Variants in HIVEP3 observed in about 807,000 individuals in gnomAD.
HIVEP3 encodes HIVEP zinc finger 3.
A neutral mutation model predicts 152.8 loss-of-function variants in HIVEP3; 49 were observed. The observed-to-expected ratio is 0.32, with a 90% CI of 0.26 to 0.41. The LOEUF is 0.41. Ranked by LOEUF, HIVEP3 falls within the 10% of genes least tolerant of loss-of-function variation. The pLI, the probability that HIVEP3 is intolerant of heterozygous loss-of-function variation, is 1.00. For missense variants in HIVEP3, 2,790 were observed against 3,103.3 expected (o/e 0.90, Z 2.40); for synonymous variants, 1,269 against 1,289.0 (o/e 0.98, Z 0.33).
rs151222285 is a variant in HIVEP3 at position 41,635,489 on chromosome 1, T to TATATATATAC, written c.-720-6543_-720-6542insGTATATATAT. Reference sequence around the variant, plus strand: ...CAGCAACCACAACTATATATATATATACACACACATATATACATATATAGC... The same window carrying TATATATATAC: ...CAGCAACCACAACTATATATATATATATATATATACACACACACATATATACATATATAGC... On this transcript the variant is annotated intron_variant, in intron 2 of 8. Coordinates refer to ENST00000372583, the MANE Select transcript of HIVEP3 (RefSeq NM_024503.5). 4.8e-4 allele frequency among the ~76,000 whole-genome samples: 71 copies of TATATATATAC among 147,420 alleles called. 1 individual carries two copies. The highest frequency in any genetic ancestry group is 1.4e-3 in the East Asian group (7 of 5,144).
intron 1 of HIVEP3, among the ~76,000 whole-genome samples, chr1:41,757,036 G>C (rs1007993823): frequency 5.3e-5 from 8 of 151,596 alleles, no homozygotes; most frequent in Non-Finnish European, 4.4e-5. Context: ...CGGATCACTT[G>C]AGGCCAGGAG....
rs61470609 is a variant in HIVEP3 at position 41,638,256 on chromosome 1, G to GAGAAAGAAAGAAAGAAAGAAAGAA, written c.-720-9333_-720-9310dup. 1.7e-3 allele frequency among the ~76,000 whole-genome samples: 202 copies of GAGAAAGAAAGAAAGAAAGAAAGAA among 120,834 alleles called. 1 individual carries two copies. Among genetic ancestry groups the GAGAAAGAAAGAAAGAAAGAAAGAA allele is most frequent in the African/African-American group, 3.9e-3 (112 of 28,708 alleles). 79.3% of individuals were successfully genotyped at this position (120,834 alleles called of 152,430 possible). ...AGAGACAGAGAAATAAAGAAAGAGA[G>GAGAAAGAAAGAAAGAAAGAAAGAA]AGAAAGAAAGAAAGAAAGAAAGAAA... On this transcript the variant is annotated intron_variant, in intron 2 of 8. Transcript: ENST00000372583.
At chr1:41,853,454 C>G (rs765145107) in intron 1 of HIVEP3, among the ~76,000 whole-genome samples, 1 of 152,060 alleles carries the variant, frequency 6.6e-6, no homozygotes, top group Admixed American at 6.5e-5. Flanking sequence ...GAGGAACTAC[C>G]AAACAATTAT....
chr1:41,750,761 C>T (rs1441165321), intron 1 of HIVEP3, among the ~76,000 whole-genome samples: 2 of 150,610 alleles, frequency 1.3e-5, no homozygotes, highest in African/African-American at 2.4e-5. Flanking sequence ...TGCAATGGTG[C>T]GATCTCAGCT....
intron 1 of HIVEP3, among the ~76,000 whole-genome samples, chr1:41,737,507 G>A (rs928540993): frequency 6.6e-6 from 1 of 152,136 alleles, no homozygotes; most frequent in Non-Finnish European, 1.5e-5. Flanking sequence ...CCTGTCATTG[G>A]GTTTAGTGTC....
intron 1 of HIVEP3, among the ~76,000 whole-genome samples, chr1:41,813,065 G>T (rs1213658041): frequency 3.3e-5 from 5 of 152,140 alleles, no homozygotes; most frequent in Non-Finnish European, 7.4e-5. Flanking sequence ...TTGAGATGGA[G>T]TCTTGCTCTG....
intron 6 of HIVEP3, among the ~76,000 whole-genome samples, chr1:41,524,458 T>G (rs1642845178): frequency 6.6e-6 from 1 of 150,940 alleles, no homozygotes; most frequent in Non-Finnish European, 1.5e-5. Context: ...TGAGCAAGAG[T>G]GCCGCACCAG....
chr1:41,769,621 G>C (rs2055955), intron 1 of HIVEP3, among the ~76,000 whole-genome samples: 47,804 of 151,798 alleles, frequency 0.31, 8,466 homozygotes, highest in East Asian at 0.46. Flanking sequence ...AAGGAACAAA[G>C]GAAGGAAGTA....
At chr1:41,671,552 C>T (rs1006570020) in intron 2 of HIVEP3, among the ~76,000 whole-genome samples, 1 of 152,272 alleles carries the variant, frequency 6.6e-6, no homozygotes. Flanking sequence ...GCTCCCATCT[C>T]ACACTGACAT....
chr1:41,626,970 G>A (rs1193828848), intron 3 of HIVEP3, among the ~76,000 whole-genome samples: 1 of 152,206 alleles, frequency 6.6e-6, no homozygotes, highest in Non-Finnish European at 1.5e-5. Context: ...GTTTCCTTAT[G>A]TGCACAACAG....
intron 5 of HIVEP3, among the ~76,000 whole-genome samples, chr1:41,528,345 T>A (rs1643086162): frequency 1.1e-5 from 1 of 88,580 alleles, no homozygotes; most frequent in Non-Finnish European, 2.2e-5. Context: ...ACACTCGCCC[T>A]CACACTCCAC....
intron 1 of HIVEP3, among the ~76,000 whole-genome samples, chr1:41,931,703 C>T (rs192346456): frequency 6.6e-6 from 1 of 152,032 alleles, no homozygotes; most frequent in African/African-American, 2.4e-5. Flanking sequence ...AGATTTATAT[C>T]TAAGAATTTG....
intron 1 of HIVEP3, among the ~76,000 whole-genome samples, chr1:42,003,786 CA>C (rs112079993): frequency 0.039 from 3,998 of 103,780 alleles, 104 homozygotes; most frequent in African/African-American, 0.1. Context: ...CTTTTTAGGG[CA>C]AAAAAAAAAA....
In HIVEP3 at chr1:41,584,563, TCTG is replaced by T; in HGVS notation, c.232_234del (p.Gln78del). 1 of 1,614,096 alleles carries T rather than the reference TCTG, an allele frequency of 6.2e-7. No individual in the cohort carries two copies. The highest frequency in any genetic ancestry group is 8.5e-7 in the Non-Finnish European group (1 of 1,180,002). On this transcript the variant is annotated inframe_deletion, in exon 4 of 9. Coordinates refer to ENST00000372583, the MANE Select transcript of HIVEP3 (RefSeq NM_024503.5). This position sits in a 1 kb window ranked among gnomAD's most constrained non-coding sequence, Gnocchi z 5.2. Reference sequence around the variant, plus strand: ...TCGATGGGGGGCCTTTTGGGGGGCTTCTGCTGCTGGCCCGTTTTCTCCTGAGAG... The same window carrying T: ...TCGATGGGGGGCCTTTTGGGGGGCTTCTGCTGGCCCGTTTTCTCCTGAGAG...
intron 1 of HIVEP3, among the ~76,000 whole-genome samples, chr1:41,954,536 C>G (rs868817360): frequency 6.6e-6 from 1 of 152,280 alleles, no homozygotes; most frequent in African/African-American, 2.4e-5. Flanking sequence ...CTGGCTCCAA[C>G]CTGGCAGCTG....
intron 1 of HIVEP3, among the ~76,000 whole-genome samples, chr1:42,000,650 C>G (rs1310283284): frequency 6.6e-6 from 1 of 152,204 alleles, no homozygotes; most frequent in Non-Finnish European, 1.5e-5. Flanking sequence ...TTGGGAAGCA[C>G]TGCAGATGGA....
intron 1 of HIVEP3, among the ~76,000 whole-genome samples, chr1:42,027,726 G>A (rs888067291): frequency 2.0e-5 from 3 of 152,208 alleles, no homozygotes; most frequent in Admixed American, 6.5e-5. Context: ...CATGGCTGGG[G>A]AGGCCTCAAA....
intron 1 of HIVEP3, among the ~76,000 whole-genome samples, chr1:41,945,554 T>G (rs1218890704): frequency 2.0e-5 from 3 of 152,136 alleles, no homozygotes; most frequent in African/African-American, 7.2e-5. Flanking sequence ...TGGTGATCTC[T>G]GGTATCTCAG....
At position 41,582,260 on chromosome 1, in the gene HIVEP3, C is replaced by G; in HGVS notation, c.2538G>C (p.Lys846Asn). 1.2e-6 allele frequency: 2 copies of G among 1,613,894 alleles called. No individual in the cohort carries two copies. Among genetic ancestry groups the G allele is most frequent in the Non-Finnish European group, 1.7e-6 (2 of 1,179,880 alleles). Residue 846 changes from lysine to asparagine, a missense_variant, in exon 4 of 9, where the codon AAG becomes AAC. This residue lies in a region of HIVEP3 where 1,078 missense variants were observed against 1,165.3 expected (regional missense o/e 0.93). Transcript: ENST00000372583. This position sits in a 1 kb window ranked among gnomAD's most constrained non-coding sequence, Gnocchi z 4.7. ...HGRSAHSLQPKLVRQPNIQVP... is the reference protein window; with the variant it reads ...HGRSAHSLQPNLVRQPNIQVP... ...CCTGAATGTTGGGCTGGCGGACCAA[C>G]TTAGGCTGCAGGGAGTGAGCAGAGC...
Sources: allele counts gnomAD v4.1 joint callset (sites outside exome capture counted in the v4.1 genomes callset), GRCh38; gene constraint gnomAD v4.1.1; regional missense constraint gnomAD v4.1.1; non-coding constraint Gnocchi (gnomAD v3.1); transcripts MANE v1.5; gene names NCBI Gene and HGNC (gene_info 2026-07-23, HGNC 2026-07-21).